Variants in WRN observed in about 807,000 individuals in gnomAD.
The protein encoded by WRN is bifunctional 3'-5' exonuclease/ATP-dependent helicase WRN.
A neutral mutation model predicts 180.7 loss-of-function variants in WRN; 149 were observed. The observed-to-expected ratio is 0.82, with a 90% CI of 0.72 to 0.94. WRN has a LOEUF of 0.94. Ranked by LOEUF, WRN falls within the 40% of genes least tolerant of loss-of-function variation. WRN has a pLI of 0.00. For missense variants in WRN, 1,661 were observed against 1,700.1 expected, an observed-to-expected ratio of 0.98 and a Z score of 0.40; for synonymous variants, 548 against 568.9, an observed-to-expected ratio of 0.96 and a Z score of 0.52.
In WRN at chr8:31,129,838, C is replaced by T. The variant is rs918021079; in HGVS notation, c.2826-2527C>T. On this transcript the variant is annotated intron_variant, in intron 23 of 34. Coordinates refer to ENST00000298139, the MANE Select transcript of WRN (RefSeq NM_000553.6). The stretch of plus-strand genomic sequence containing the variant: ...TGGCCAACATGGTGAAACCCCGTCT[C>T]TACTAAAAATACAAAAATCAGCTGG... Among the ~76,000 whole-genome samples the T allele has an allele frequency of 2.0e-5, 3 of 151,796 alleles. 1 individual carries two copies. The highest frequency in any genetic ancestry group is 7.3e-5 in the African/African-American group (3 of 41,338).
chr8:31,175,918 G>A lies in WRN; in HGVS notation c.*2816G>A. 6.6e-6 allele frequency among the ~76,000 whole-genome samples: 1 copy of A among 152,248 alleles called. No individual in the cohort carries two copies. On this transcript the variant is annotated 3_prime_UTR_variant, in exon 35 of 35. Coordinates refer to ENST00000298139, the MANE Select transcript of WRN (RefSeq NM_000553.6). ...AATAAAACAAGAAACATTTTTAAATGTCTGTTTTAATTTCTAAAGTGGTAG... is the reference window on the plus strand; with the variant it reads ...AATAAAACAAGAAACATTTTTAAATATCTGTTTTAATTTCTAAAGTGGTAG...
chr8:31,143,753 A>G, intron 28 of WRN, 130 bp downstream of exon 28: 1 of 642,016 alleles, frequency 1.6e-6, no homozygotes, highest in Non-Finnish European at 2.7e-6. Flanking sequence ...TAAGCTTTTC[A>G]GTATTAGAAT....
chr8:31,055,403 C>T (rs1449607374), intron 1 of WRN, among the ~76,000 whole-genome samples: 1 of 152,182 alleles, frequency 6.6e-6, no homozygotes, highest in Non-Finnish European at 1.5e-5. Context: ...GCCTTGCCAG[C>T]ACCTGTTGTT....
chr8:31,155,705 T>C (rs2130474686), intron 32 of WRN, among the ~76,000 whole-genome samples: 1 of 152,160 alleles, frequency 6.6e-6, no homozygotes, highest in African/African-American at 2.4e-5. Flanking sequence ...GTTTTTTGTA[T>C]ACAAAATGGA....
At chr8:31,074,652 A>G (rs1334528374) in intron 7 of WRN, among the ~76,000 whole-genome samples, 2 of 152,164 alleles carry the variant, frequency 1.3e-5, no homozygotes, top group African/African-American at 4.8e-5. Flanking sequence ...ACTATATTCA[A>G]CTGCTTGGGT....
chr8:31,156,198 G>T (rs1201510906), intron 32 of WRN, among the ~76,000 whole-genome samples: 1 of 152,126 alleles, frequency 6.6e-6, no homozygotes, highest in East Asian at 1.9e-4. Context: ...CAAATTTTCT[G>T]AATTAAGTGT....
At position 31,120,350 on chromosome 8, in the gene WRN, T is replaced by A. The variant is rs1554528394; in HGVS notation, c.2556T>A (p.Ile852=). The part of the protein sequence containing the change: ...PKDMESYYQE[I]GRAGRDGLQS... The stretch of plus-strand genomic sequence containing the variant: ...ACATGGAATCATATTATCAGGAGAT[T>A]GGTAGAGCTGGTCGTGATGGACTTC... The change falls in exon 21 of 35, where the codon ATT becomes ATA. Residue 852 remains isoleucine (I), a synonymous_variant. Transcript: ENST00000298139. 3 of 1,612,790 alleles carry A rather than the reference T, an allele frequency of 1.9e-6. No homozygotes were observed. The highest frequency in any genetic ancestry group is 2.5e-6 in the Non-Finnish European group (3 of 1,179,132).
intron 1 of WRN, among the ~76,000 whole-genome samples, chr8:31,050,161 G>A (rs1321477426): frequency 2.0e-5 from 3 of 152,052 alleles, no homozygotes; most frequent in African/African-American, 4.8e-5. Context: ...GGAACCAGAA[G>A]GATGACAACA....
intron 18 of WRN, among the ~76,000 whole-genome samples, chr8:31,106,786 T>C (rs74417577): frequency 0.051 from 3,440 of 67,772 alleles, 120 homozygotes; most frequent in African/African-American, 0.15. Context: ...TTTCTGTGAG[T>C]TCTTCTTCAC....
chr8:31,143,640 T>G lies in WRN; in HGVS notation c.3383+17T>G. On this transcript the variant is annotated intron_variant, in intron 28 of 34. Transcript: ENST00000298139. ...TAAAAAAAGGTACAGAGTTCCATAT[T>G]TCTATGTTCTATACTTGCTTTATGA... The G allele has an allele frequency of 1.3e-6, 2 of 1,525,160 alleles. No homozygotes were observed. Among genetic ancestry groups the G allele is most frequent in the Non-Finnish European group, 1.8e-6 (2 of 1,101,032 alleles). The allele number at this position is 1,525,160 out of a possible 1,614,324, so 94.5% of individuals were successfully genotyped here. A position where few individuals can be genotyped will look rare whatever the true frequency, so the allele number is the denominator to read the frequency against.
At chr8:31,127,732 C>G (rs1801983175) in intron 23 of WRN, among the ~76,000 whole-genome samples, 1 of 151,876 alleles carries the variant, frequency 6.6e-6, no homozygotes, top group Non-Finnish European at 1.5e-5. Flanking sequence ...GGGCAAAAAA[C>G]CGAGACTGTG....
At chr8:31,096,969 G>T in intron 17 of WRN, 119 bp downstream of exon 17, 1 of 923,104 alleles carries the variant, frequency 1.1e-6, no homozygotes, top group Non-Finnish European at 1.7e-6. Flanking sequence ...ACTTCCTCCA[G>T]GAAATCTCTG....
At chr8:31,117,694 C>T (rs1382492338) in intron 20 of WRN, among the ~76,000 whole-genome samples, 1 of 152,118 alleles carries the variant, frequency 6.6e-6, no homozygotes, top group Non-Finnish European at 1.5e-5. Context: ...CTCTATCCAT[C>T]TCCTTTTCTG....
At chr8:31,127,906 G>C (rs1426846939) in intron 23 of WRN, among the ~76,000 whole-genome samples, 1 of 151,852 alleles carries the variant, frequency 6.6e-6, no homozygotes, top group Non-Finnish European at 1.5e-5. Flanking sequence ...CTCCAGGCTG[G>C]GCATCAGAGT....
intron 16 of WRN, among the ~76,000 whole-genome samples, chr8:31,095,410 A>G (rs1204502283): frequency 6.6e-6 from 1 of 152,144 alleles, no homozygotes; most frequent in East Asian, 1.9e-4. Flanking sequence ...GCAGTTTTTC[A>G]TTTTGATAAA....
At chr8:31,172,093 T>A (rs1804120703) in intron 34 of WRN, among the ~76,000 whole-genome samples, 1 of 152,148 alleles carries the variant, frequency 6.6e-6, no homozygotes, top group African/African-American at 2.4e-5. Context: ...CTTAAATTAT[T>A]TAATTTTTTT....
At chr8:31,102,077 T>G (rs1363583783) in intron 18 of WRN, among the ~76,000 whole-genome samples, 1 of 152,204 alleles carries the variant, frequency 6.6e-6, no homozygotes, top group African/African-American at 2.4e-5. Flanking sequence ...TTCTCTAGTT[T>G]TGTAAGTACT....
intron 1 of WRN, among the ~76,000 whole-genome samples, chr8:31,035,117 C>T (rs1035541659): frequency 6.6e-6 from 1 of 152,156 alleles, no homozygotes; most frequent in East Asian, 1.9e-4. Flanking sequence ...TTATTAAGGA[C>T]TGCTCTAGGC....
At position 31,063,382 on chromosome 8, in the gene WRN, A is replaced by C. The variant is rs11574195; in HGVS notation, c.210-907A>C. On this transcript the variant is annotated intron_variant, in intron 3 of 34. Transcript: ENST00000298139. ...TCCATTCTCTTGTTAATGGAAATTTAGTTTGTTTCTAATTTTTGCCAGTAG... is the reference window on the plus strand; with the variant it reads ...TCCATTCTCTTGTTAATGGAAATTTCGTTTGTTTCTAATTTTTGCCAGTAG... Among the ~76,000 whole-genome samples the C allele has an allele frequency of 4.7e-3, 721 of 152,260 alleles. 4 individuals are homozygous for C. Among genetic ancestry groups the C allele is most frequent in the African/African-American group, 0.017 (704 of 41,550 alleles).
Sources: allele counts gnomAD v4.1 joint callset (sites outside exome capture counted in the v4.1 genomes callset), GRCh38; gene constraint gnomAD v4.1.1; transcripts MANE v1.5; gene names NCBI Gene and HGNC (gene_info 2026-07-23, HGNC 2026-07-21).